Variants in MMP16 observed in about 807,000 individuals in gnomAD.
MMP16 encodes the protein matrix metallopeptidase 16.
Under a neutral mutation model 67.8 loss-of-function variants are expected in MMP16, and 12 were observed. The observed-to-expected ratio is 0.18, with a 90% confidence interval of 0.11 to 0.29. The LOEUF (loss-of-function observed/expected upper bound fraction) is 0.29, where lower values mean the gene tolerates loss of function less well. MMP16 is among the 10% of genes least tolerant of loss of function. The probability of loss-of-function intolerance (pLI) is 1.00; values close to 1 mark genes in which losing one functional copy is unlikely to be tolerated. For synonymous variants in MMP16, 249 were observed against 255.9 expected, an observed-to-expected ratio of 0.97 and a Z score of 0.26; for missense variants, 475 against 765.7, an observed-to-expected ratio of 0.62 and a Z score of 4.48.
At chr8:88,203,670 C>A (rs1052333451) in intron 1 of MMP16, among the ~76,000 whole-genome samples, 2 of 152,100 alleles carry the variant, frequency 1.3e-5, no homozygotes, top group African/African-American at 4.8e-5. Context: ...ATTATATCAT[C>A]TTACAGAAAA....
chr8:88,052,874 C>A (rs1749321972), intron 8 of MMP16, among the ~76,000 whole-genome samples: 1 of 152,164 alleles, frequency 6.6e-6, no homozygotes, highest in Admixed American at 6.5e-5. Context: ...CCAAGTCAAC[C>A]CTAAGTCCCA....
intron 7 of MMP16, among the ~76,000 whole-genome samples, chr8:88,061,127 T>TACACACACACACAC (rs149547108): frequency 1.4e-5 from 2 of 143,168 alleles, no homozygotes; most frequent in African/African-American, 5.2e-5. Flanking sequence ...CTGAATATTA[T>TACACACACACACAC]ACACACACAC....
At chr8:88,269,266 G>C (rs7010604) in intron 1 of MMP16, among the ~76,000 whole-genome samples, 119,554 of 152,062 alleles carry the variant, frequency 0.79, 47,572 homozygotes, top group East Asian at 0.99. Context: ...CATGTAAACC[G>C]GAGCACCATT....
chr8:88,195,945 G>A (rs1247295871), intron 2 of MMP16, among the ~76,000 whole-genome samples: 1 of 152,162 alleles, frequency 6.6e-6, no homozygotes, highest in East Asian at 1.9e-4. Context: ...TGCAAACTTA[G>A]ATGGCAAAAT....
chr8:88,061,332 G>C (rs115447076), intron 7 of MMP16, among the ~76,000 whole-genome samples: 2,057 of 152,146 alleles, frequency 0.014, 35 homozygotes, highest in African/African-American at 0.047. Context: ...GGCCTCTTCT[G>C]TTGGCCTATA....
At chr8:88,070,846 A>T (rs1383285645) in intron 7 of MMP16, among the ~76,000 whole-genome samples, 1 of 151,946 alleles carries the variant, frequency 6.6e-6, no homozygotes, top group Non-Finnish European at 1.5e-5. Context: ...ATAATTTGTC[A>T]ATTTTTTCCT....
intron 1 of MMP16, among the ~76,000 whole-genome samples, chr8:88,226,130 A>T (rs1431880987): frequency 6.6e-6 from 1 of 151,918 alleles, no homozygotes; most frequent in Admixed American, 6.6e-5. Context: ...CACACACACA[A>T]ATATATATAT....
intron 6 of MMP16, among the ~76,000 whole-genome samples, chr8:88,082,462 C>T (rs1808767859): frequency 6.6e-6 from 1 of 151,936 alleles, no homozygotes; most frequent in Non-Finnish European, 1.5e-5. Flanking sequence ...TAAAAAGATG[C>T]AATACATTAC....
intron 1 of MMP16, among the ~76,000 whole-genome samples, chr8:88,281,358 A>G (rs543382507): frequency 1.3e-5 from 2 of 152,334 alleles, no homozygotes; most frequent in South Asian, 4.1e-4. Flanking sequence ...GAGAGCTCCC[A>G]AGGGGAAGAA....
At chr8:88,047,847 A>T (rs1808218716) in intron 8 of MMP16, among the ~76,000 whole-genome samples, 3 of 152,330 alleles carry the variant, frequency 2.0e-5, no homozygotes, top group Admixed American at 2.0e-4. Context: ...AAGAGTTTGA[A>T]GGAGATAAGG....
chr8:88,038,506 T>A lies in MMP16; in HGVS notation c.*2955A>T. On this transcript the variant is annotated 3_prime_UTR_variant, in exon 10 of 10. Transcript: ENST00000286614. The surrounding 1 kb of genome is among the most constrained non-coding windows in gnomAD (Gnocchi z 4.1). ...CAACAGATTGCTTATTCAGTTTCTT[T>A]CTCATTTTAGAGGAAAAAAAAATCA... 1 of 152,518 alleles carries A rather than the reference T, an allele frequency of 6.6e-6. No individual in the cohort carries two copies. Among genetic ancestry groups the A allele is most frequent in the East Asian group, 1.9e-4 (1 of 5,186 alleles). The allele number at this position is 152,518 out of a possible 1,614,324, so 9.4% of individuals were successfully genotyped here.
chr8:88,216,506 T>C (rs148625640), intron 1 of MMP16, among the ~76,000 whole-genome samples: 7 of 152,252 alleles, frequency 4.6e-5, no homozygotes, highest in African/African-American at 1.7e-4. Context: ...TTCTCAAAAA[T>C]ATTTTTCATA....
At chr8:88,154,919 A>C (rs1293045232) in intron 4 of MMP16, among the ~76,000 whole-genome samples, 1 of 151,930 alleles carries the variant, frequency 6.6e-6, no homozygotes, top group African/African-American at 2.4e-5. Context: ...TATCTATTCT[A>C]GGTTGTAAAA....
intron 6 of MMP16, among the ~76,000 whole-genome samples, chr8:88,101,631 C>T (rs1315828282): frequency 6.6e-6 from 1 of 151,886 alleles, no homozygotes; most frequent in African/African-American, 2.4e-5. Context: ...TGCAGAGACT[C>T]AGCAACCACT....
intron 1 of MMP16, among the ~76,000 whole-genome samples, chr8:88,291,328 A>G (rs1452148195): frequency 1.3e-5 from 2 of 152,150 alleles, no homozygotes; most frequent in Admixed American, 6.5e-5. Context: ...TTTAAGAGAA[A>G]CAGAGGTTTA....
intron 6 of MMP16, among the ~76,000 whole-genome samples, chr8:88,093,134 T>C (rs28906388): frequency 0.01 from 1,555 of 151,930 alleles, 16 homozygotes; most frequent in Non-Finnish European, 0.016. Flanking sequence ...CCCAGGGGAC[T>C]GTATGTCCTG....
chr8:88,100,247 C>A (rs1433079484), intron 6 of MMP16, among the ~76,000 whole-genome samples: 1 of 151,722 alleles, frequency 6.6e-6, no homozygotes, highest in Non-Finnish European at 1.5e-5. Flanking sequence ...CTTTAATATC[C>A]AGAATCTACA....
intron 7 of MMP16, among the ~76,000 whole-genome samples, chr8:88,062,664 G>C (rs1441157795): frequency 6.6e-6 from 1 of 151,900 alleles, no homozygotes; most frequent in African/African-American, 2.4e-5. Context: ...TTGTGGGGTG[G>C]GGGGAGTGGG....
chr8:88,079,059 G>T (rs1808701764), intron 6 of MMP16, among the ~76,000 whole-genome samples: 1 of 152,114 alleles, frequency 6.6e-6, no homozygotes, highest in African/African-American at 2.4e-5. Flanking sequence ...CTCAAACCTG[G>T]ACTCCTGCCT....
Sources: allele counts gnomAD v4.1 joint callset (sites outside exome capture counted in the v4.1 genomes callset), GRCh38; gene constraint gnomAD v4.1.1; non-coding constraint Gnocchi (gnomAD v3.1); transcripts MANE v1.5; gene names NCBI Gene and HGNC (gene_info 2026-07-23, HGNC 2026-07-21).